ING5: variants seen among roughly 807,000 people sequenced by gnomAD.
ING5 encodes the protein inhibitor of growth protein 5.
In ING5, 17 loss-of-function variants were observed where a neutral mutation model predicts 37.4. The ratio of observed to expected loss-of-function variants is 0.45; its 90% CI spans 0.31 to 0.68. ING5 has a LOEUF of 0.68. ING5 is among the 30% of genes least tolerant of loss of function. ING5 has a pLI of 0.05. For missense variants in ING5, 233 were observed against 311.9 expected (o/e 0.75, Z 1.91); for synonymous variants, 123 against 116.6 (o/e 1.06, Z -0.36).
rs111588856 is a variant in ING5 at position 241,710,373 on chromosome 2, G to A, written c.276+991G>A. The stretch of plus-strand genomic sequence containing the variant: ...ACTAGGGTGCAGTGGCATGGCTGCA[G>A]TTCAGTGCAACCTCCACTTCCCAGG... On this transcript the variant is annotated intron_variant, in intron 3 of 7. Coordinates refer to ENST00000313552, the MANE Select transcript of ING5 (RefSeq NM_032329.6). Among the ~76,000 whole-genome samples the A allele has an allele frequency of 8.7e-4, 132 of 152,238 alleles. 1 individual carries two copies. Among genetic ancestry groups the A allele is most frequent in the African/African-American group, 2.9e-3 (121 of 41,540 alleles).
chr2:241,715,639 T>A (rs923409515), intron 5 of ING5, among the ~76,000 whole-genome samples: 3 of 151,846 alleles, frequency 2.0e-5, no homozygotes, highest in African/African-American at 7.3e-5. Context: ...CGTATCACCA[T>A]GCCTGGCTAA....
At chr2:241,688,132 C>G (rs1173268253) in intron 1 of ING5, 1 of 152,188 alleles carries the variant, frequency 6.6e-6, no homozygotes, top group Non-Finnish European at 1.5e-5. Context: ...CAGTTGTCAG[C>G]TAGACATCAC....
chr2:241,718,323 T>TCCTC (rs140540071), intron 5 of ING5, among the ~76,000 whole-genome samples: 1 of 128,784 alleles, frequency 7.8e-6, no homozygotes, highest in Non-Finnish European at 1.6e-5. Flanking sequence ...TTTCCTCCCT[T>TCCTC]CCTCCCTCCC....
upstream of ING5, chr2:241,701,958 C>A: frequency 2.8e-6 from 2 of 710,278 alleles, no homozygotes; most frequent in Non-Finnish European, 3.9e-6. Flanking sequence ...CGGGCGCGAC[C>A]AATCAGCGCG....
At chr2:241,704,486 T>A (rs777478148) in intron 1 of ING5, among the ~76,000 whole-genome samples, 167 bp from the exon 2 acceptor site, 1 of 152,128 alleles carries the variant, frequency 6.6e-6, no homozygotes, top group Non-Finnish European at 1.5e-5. Flanking sequence ...GAGAATCACT[T>A]GAACCTGGGA....
rs374101156 is a variant in ING5 at position 241,711,335 on chromosome 2, T to C, written c.277-42T>C. The stretch of plus-strand genomic sequence containing the variant: ...TGTACATTCGTGATTCTGAGGTGTT[T>C]TGGTTTTACTTTAAAATAAGACTTT... On this transcript the variant is annotated intron_variant, in intron 3 of 7. Coordinates refer to ENST00000313552, the MANE Select transcript of ING5 (RefSeq NM_032329.6). 4 of 1,375,920 alleles carry C rather than the reference T, an allele frequency of 2.9e-6. No homozygotes were observed. The African/African-American group carries it at 6.0e-5, about 21-fold the overall frequency. 85.2% of individuals were successfully genotyped at this position (1,375,920 alleles called of 1,614,324 possible).
At position 241,724,722 on chromosome 2, in the gene ING5, C is replaced by G. The variant is rs143709267; in HGVS notation, c.681-267C>G. ...CCATCGGCCGGGGAAGAAGGACCCA[C>G]CTGTTAAGGAGGAACGCCTGGGTGT... On this transcript the variant is annotated intron_variant, in intron 7 of 7. Transcript: ENST00000313552. The G allele has an allele frequency of 1.4e-3, 719 of 529,386 alleles. 8 individuals are homozygous for G. The East Asian group carries it at 0.021, about 16-fold the overall frequency. 32.8% of individuals were successfully genotyped at this position (529,386 alleles called of 1,614,324 possible). A position where few individuals can be genotyped will look rare whatever the true frequency, so the allele number is the denominator to read the frequency against.
chr2:241,693,798 C>T (rs1221492267), intron 2 of ING5, among the ~76,000 whole-genome samples: 1 of 151,366 alleles, frequency 6.6e-6, no homozygotes, highest in African/African-American at 2.4e-5. Flanking sequence ...GCTGGGATTA[C>T]AGGCACCCAC....
At chr2:241,700,351 G>T (rs1290576161), upstream of ING5, among the ~76,000 whole-genome samples, 3 of 151,634 alleles carry the variant, frequency 2.0e-5, no homozygotes, top group African/African-American at 7.3e-5. Flanking sequence ...TAGAGATGGG[G>T]TTTCACCGTG....
At chr2:241,720,260 C>T (rs893961483) in intron 5 of ING5, 4 of 1,230,334 alleles carry the variant, frequency 3.3e-6, no homozygotes, top group Non-Finnish European at 4.0e-6. Context: ...GCGTCCCTGA[C>T]CCATCAGCAC....
chr2:241,720,820 C>G, intron 5 of ING5: 1 of 985,790 alleles, frequency 1.0e-6, no homozygotes, highest in Non-Finnish European at 1.2e-6. Context: ...TCCCCATGGC[C>G]TCCTGGTTGC....
chr2:241,700,602 C>G (rs1010713499), upstream of ING5, among the ~76,000 whole-genome samples: 1 of 151,996 alleles, frequency 6.6e-6, no homozygotes, highest in Non-Finnish European at 1.5e-5. Flanking sequence ...ATTACAGGTA[C>G]TTGCCACCAT....
At chr2:241,702,263 G>T (rs1161847023) in intron 1 of ING5, among the ~76,000 whole-genome samples, 161 bp downstream of exon 1, 1 of 147,364 alleles carries the variant, frequency 6.8e-6, no homozygotes, top group East Asian at 2.0e-4. Flanking sequence ...GGGCAGGGCC[G>T]CAAGGGAGGG....
intron 2 of ING5, chr2:241,690,707 A>G (rs1233604951): frequency 2.5e-5 from 10 of 398,502 alleles, no homozygotes; most frequent in African/African-American, 4.1e-5. Flanking sequence ...CTGTGTGGTC[A>G]GAGATACAGG....
rs113125767 is a variant in ING5 at position 241,703,904 on chromosome 2, C to A, written c.38-749C>A. On this transcript the variant is annotated intron_variant, in intron 1 of 7. Coordinates refer to ENST00000313552, the MANE Select transcript of ING5 (RefSeq NM_032329.6). ...TACAGGTATGAGCCACCACGCCCAT[C>A]CGAGAGAGGAAACATTTCTATCCTT... 7.2e-3 allele frequency among the ~76,000 whole-genome samples: 1,089 copies of A among 152,264 alleles called. 18 individuals are homozygous for A. The highest frequency in any genetic ancestry group is 0.025 in the African/African-American group (1,035 of 41,536).
chr2:241,716,165 C>T (rs1575134985), intron 5 of ING5, among the ~76,000 whole-genome samples: 1 of 151,866 alleles, frequency 6.6e-6, no homozygotes, highest in Non-Finnish European at 1.5e-5. Context: ...TTTAGGTTCA[C>T]CATCTTGCTA....
chr2:241,712,476 A>G (rs2070140934), intron 5 of ING5: 2 of 167,620 alleles, frequency 1.2e-5, no homozygotes, highest in Admixed American at 1.1e-4. Flanking sequence ...CAGTTATTTT[A>G]TGTGTCAACA....
At chr2:241,693,309 C>T (rs1279022699) in intron 2 of ING5, among the ~76,000 whole-genome samples, 3 of 150,454 alleles carry the variant, frequency 2.0e-5, no homozygotes, top group Non-Finnish European at 3.0e-5. Context: ...CAAACAGTCA[C>T]GTTGGGGGTC....
intron 2 of ING5, among the ~76,000 whole-genome samples, chr2:241,696,719 G>C (rs1314010331): frequency 2.6e-5 from 4 of 152,168 alleles, no homozygotes; most frequent in African/African-American, 9.7e-5. Context: ...AGGAGGTCGA[G>C]GCTGCATGAG....
Sources: allele counts gnomAD v4.1 joint callset (sites outside exome capture counted in the v4.1 genomes callset), GRCh38; gene constraint gnomAD v4.1.1; transcripts MANE v1.5; gene names NCBI Gene and HGNC (gene_info 2026-07-23, HGNC 2026-07-21).